The following PHC3 variants were observed in gnomAD, a reference collection of about 807,000 sequenced individuals.
PHC3 encodes polyhomeotic homolog 3, also known as polyhomeotic-like protein 3.
Under a neutral mutation model 107.4 loss-of-function variants are expected in PHC3, and 13 were observed. The ratio of observed to expected loss-of-function variants is 0.12; its 90% CI spans 0.08 to 0.19. The LOEUF (loss-of-function observed/expected upper bound fraction) is 0.19, where lower values mean the gene tolerates loss of function less well. Among genes scored for constraint, PHC3 ranks in the 10% least tolerant of loss-of-function variants. PHC3 has a pLI of 1.00. For missense variants in PHC3, 992 were observed against 1,210.9 expected (o/e 0.82, Z 2.68); for synonymous variants, 456 against 427.4 (o/e 1.07, Z -0.83).
At chr3:170,161,918 T>C (rs577984405) in intron 4 of PHC3, among the ~76,000 whole-genome samples, 8 of 152,314 alleles carry the variant, frequency 5.3e-5, no homozygotes, top group African/African-American at 1.9e-4. Flanking sequence ...CTATCTCTAA[T>C]ACAGTCACAT....
At chr3:170,146,100 C>T (rs568284382) in intron 5 of PHC3, among the ~76,000 whole-genome samples, 102 of 152,250 alleles carry the variant, frequency 6.7e-4, no homozygotes, top group African/African-American at 2.3e-3. Context: ...TATGGCCAGG[C>T]GTGGTGGCTC....
Position 170,116,806 on chromosome 3 carries a change from G to A in PHC3, c.2193+420C>T, listed in dbSNP as rs148054466. Among the ~76,000 whole-genome samples, 5 of 151,986 alleles carry A rather than the reference G, an allele frequency of 3.3e-5. No homozygotes were observed. In the East Asian group the frequency reaches 9.7e-4, roughly 29 times the overall value. ...CACACCTGTAGTCTCAGCTACTCAGGTGGCTGAGGTAGAAGAATCAACTGA... is the reference window on the plus strand; with the variant it reads ...CACACCTGTAGTCTCAGCTACTCAGATGGCTGAGGTAGAAGAATCAACTGA... On this transcript the variant is annotated intron_variant, in intron 10 of 14. Coordinates refer to ENST00000495893, the MANE Select transcript of PHC3 (RefSeq NM_024947.4).
chr3:170,179,490 T>G (rs1731048733), intron 1 of PHC3, among the ~76,000 whole-genome samples: 1 of 152,226 alleles, frequency 6.6e-6, no homozygotes, highest in Non-Finnish European at 1.5e-5. Flanking sequence ...ACACTGGCTT[T>G]TCCCCTAATC....
chr3:170,122,483 G>A (rs1560052617), intron 9 of PHC3, 108 bp downstream of exon 9: 1 of 1,162,402 alleles, frequency 8.6e-7, no homozygotes, highest in Non-Finnish European at 1.3e-6. Context: ...TGCACCTGTA[G>A]TTCCAGCTAC....
At chr3:170,119,662 G>C (rs1285224147) in intron 9 of PHC3, among the ~76,000 whole-genome samples, 2 of 152,084 alleles carry the variant, frequency 1.3e-5, no homozygotes, top group African/African-American at 4.8e-5. Context: ...CCACAAATCT[G>C]TCTATTCTCA....
intron 4 of PHC3, among the ~76,000 whole-genome samples, chr3:170,156,839 C>T (rs938219382): frequency 3.3e-5 from 5 of 152,122 alleles, no homozygotes; most frequent in East Asian, 1.9e-4. Flanking sequence ...TCGTGATCCA[C>T]GCACCTCGGC....
chr3:170,154,638 G>T (rs75893536), intron 4 of PHC3, among the ~76,000 whole-genome samples: 1,859 of 152,272 alleles, frequency 0.012, 40 homozygotes, highest in African/African-American at 0.042. Context: ...AAGAAAAGAG[G>T]AAGTGAAGAC....
At position 170,129,304 on chromosome 3, in the gene PHC3, G is replaced by C; in HGVS notation, c.1168C>G (p.His390Asp). 2 of 1,613,986 alleles carry C rather than the reference G, an allele frequency of 1.2e-6. No individual in the cohort carries two copies. The highest frequency in any genetic ancestry group is 8.5e-7 in the Non-Finnish European group (1 of 1,179,894). Residue 390 changes from histidine (H) to aspartate (D), a missense_variant, in exon 8 of 15, where the codon CAT becomes GAT. Coordinates refer to ENST00000495893, the MANE Select transcript of PHC3 (RefSeq NM_024947.4). Reference sequence around the variant, plus strand: ...GGAGACACTGTTAAAGGAGAGGGATGACTCTGAATCGGTGAACAATGCTGT... The same window carrying C: ...GGAGACACTGTTAAAGGAGAGGGATCACTCTGAATCGGTGAACAATGCTGT... ...QSQHCSPIQS[H>D]PSPLTVSPNQ...
At chr3:170,168,686 G>A (rs772852550) in intron 4 of PHC3, among the ~76,000 whole-genome samples, 7 of 150,384 alleles carry the variant, frequency 4.7e-5, no homozygotes, top group Non-Finnish European at 8.9e-5. Context: ...CTCGGGAGGC[G>A]GAGCTTGCGG....
chr3:170,167,485 C>G (rs1303550073), intron 4 of PHC3, among the ~76,000 whole-genome samples: 1 of 152,150 alleles, frequency 6.6e-6, no homozygotes, highest in Non-Finnish European at 1.5e-5. Flanking sequence ...CATAGCCAGG[C>G]GCAGTAGTTC....
intron 8 of PHC3, 94 bp downstream of exon 8, chr3:170,128,583 TAGTTCAC>T: frequency 7.2e-7 from 1 of 1,390,446 alleles, no homozygotes; most frequent in Non-Finnish European, 9.6e-7. Context: ...CAAGCTTTTT[TAGTTCAC>T]AGGCATTTAG....
intron 1 of PHC3, among the ~76,000 whole-genome samples, chr3:170,179,181 TA>T (rs1731000085): frequency 6.6e-6 from 1 of 152,226 alleles, no homozygotes; most frequent in African/African-American, 2.4e-5. Flanking sequence ...GTAACTCAGA[TA>T]ACGCATAGCC....
intron 9 of PHC3, among the ~76,000 whole-genome samples, chr3:170,122,360 T>A (rs769327918): frequency 2.0e-5 from 3 of 152,140 alleles, no homozygotes; most frequent in Non-Finnish European, 2.9e-5. Context: ...TCCTGACACT[T>A]TGCAAGGCCA....
intron 11 of PHC3, among the ~76,000 whole-genome samples, chr3:170,107,823 G>A (rs1011442737): frequency 3.9e-5 from 6 of 151,942 alleles, no homozygotes; most frequent in Admixed American, 6.6e-5. Flanking sequence ...AACACAAAGC[G>A]CAAAGACCCT....
rs1729499995 is a variant in PHC3 at position 170,171,013 on chromosome 3, G to T, written c.414+360C>A. 1.1e-5 allele frequency: 3 copies of T among 261,168 alleles called. No individual in the cohort carries two copies. In the South Asian group the frequency reaches 4.6e-4, roughly 40 times the overall value. The allele number at this position is 261,168 out of a possible 1,614,324, so 16.2% of individuals were successfully genotyped here. A position where few individuals can be genotyped will look rare whatever the true frequency, so the allele number is the denominator to read the frequency against. ...TGCACAAAGTTAGAAATGCTTAGATGTCTACCAAGGACATGACATACTATT... is the reference window on the plus strand; with the variant it reads ...TGCACAAAGTTAGAAATGCTTAGATTTCTACCAAGGACATGACATACTATT... On this transcript the variant is annotated intron_variant, in intron 4 of 14. Coordinates refer to ENST00000495893, the MANE Select transcript of PHC3 (RefSeq NM_024947.4).
intron 1 of PHC3, among the ~76,000 whole-genome samples, chr3:170,180,800 T>C (rs1387548563): frequency 6.6e-6 from 1 of 152,076 alleles, no homozygotes; most frequent in Non-Finnish European, 1.5e-5. Flanking sequence ...TGGTAAACAG[T>C]TCTAACTCCT....
chr3:170,111,424 G>A (rs1207988575), intron 11 of PHC3, among the ~76,000 whole-genome samples: 1 of 149,960 alleles, frequency 6.7e-6, no homozygotes, highest in Admixed American at 6.7e-5. Flanking sequence ...AAGGAAAGAA[G>A]GAAGGAGAAA....
intron 14 of PHC3, chr3:170,102,052 TA>T (rs555603935): frequency 3.2e-5 from 26 of 817,386 alleles, no homozygotes; most frequent in South Asian, 5.6e-5. Flanking sequence ...TTCAAAAATG[TA>T]AAAAAAAGAA....
chr3:170,114,206 T>TC (rs1358193347), intron 10 of PHC3, among the ~76,000 whole-genome samples: 1 of 151,940 alleles, frequency 6.6e-6, no homozygotes, highest in African/African-American at 2.4e-5. Context: ...ACGGGGTTTC[T>TC]CCATGTTGGT....
Sources: gnomAD v4.1 joint callset for allele counts (sites outside exome capture counted in the v4.1 genomes callset) on GRCh38, gnomAD v4.1.1 for gene constraint, MANE v1.5 for transcripts, NCBI Gene and HGNC (gene_info 2026-07-23, HGNC 2026-07-21) for gene names.